ATRNL1: variants seen among roughly 807,000 people sequenced by gnomAD.
ATRNL1 encodes attractin-like protein 1.
In ATRNL1, 95 loss-of-function variants were observed where a neutral mutation model predicts 182.7. The observed-to-expected ratio is 0.52, with a 90% confidence interval of 0.44 to 0.62. The LOEUF is 0.62. Ranked by LOEUF, ATRNL1 falls within the 20% of genes least tolerant of loss-of-function variation. The pLI, the probability that ATRNL1 is intolerant of heterozygous loss-of-function variation, is 0.00. For synonymous variants in ATRNL1, 576 were observed against 568.3 expected, an observed-to-expected ratio of 1.01 and a Z score of -0.19; for missense variants, 1,471 against 1,679.5, an observed-to-expected ratio of 0.88 and a Z score of 2.17.
intron 25 of ATRNL1, among the ~76,000 whole-genome samples, chr10:115,547,523 G>A (rs987568693): frequency 7.2e-5 from 11 of 151,878 alleles, no homozygotes; most frequent in South Asian, 4.1e-4. Flanking sequence ...AATTGAGGTC[G>A]TAGTTGAAAT....
chr10:115,143,678 A>G (rs1554878612), intron 5 of ATRNL1, among the ~76,000 whole-genome samples: 3 of 152,106 alleles, frequency 2.0e-5, no homozygotes, highest in Admixed American at 1.3e-4. Flanking sequence ...CTATCCTTAT[A>G]TGACAGAGAG....
At chr10:115,134,162 A>AGCAGAAG (rs1351322816) in intron 5 of ATRNL1, among the ~76,000 whole-genome samples, 3 of 152,208 alleles carry the variant, frequency 2.0e-5, no homozygotes, top group Non-Finnish European at 2.9e-5. Context: ...TTCAAAAGCT[A>AGCAGAAG]GCAGAAGACA....
At chr10:115,127,033 T>C (rs1845004286) in intron 3 of ATRNL1, among the ~76,000 whole-genome samples, 2 of 152,180 alleles carry the variant, frequency 1.3e-5, no homozygotes, top group South Asian at 4.1e-4. Context: ...TGCATAGATA[T>C]GCAAAATTAG....
intron 27 of ATRNL1, among the ~76,000 whole-genome samples, chr10:115,737,220 G>A (rs1460962376): frequency 6.6e-6 from 1 of 151,364 alleles, no homozygotes; most frequent in Non-Finnish European, 1.5e-5. Context: ...AAGCTTAGGA[G>A]GTCAAAATCC....
Position 115,604,258 on chromosome 10 carries a change from T to C in ATRNL1, c.3795+54722T>C, listed in dbSNP as rs535250105. ...TTCTGCTAGACAGTTAAGTTACTTG[T>C]GATTAGGTTTAATTCTTTTGAGGCT... On this transcript the variant is annotated intron_variant, in intron 26 of 28. Transcript: ENST00000355044. Among the ~76,000 whole-genome samples, 103 of 152,330 alleles carry C rather than the reference T, an allele frequency of 6.8e-4. No homozygotes were observed. The South Asian group carries it at 0.021, about 31-fold the overall frequency.
At chr10:115,105,135 G>T (rs1264802) in intron 1 of ATRNL1, among the ~76,000 whole-genome samples, 47,341 of 151,910 alleles carry the variant, frequency 0.31, 7,656 homozygotes, top group African/African-American at 0.37. Flanking sequence ...CTGTAGATTG[G>T]TTTGGATAGT....
At chr10:115,742,325 G>GTA (rs2134099176) in intron 27 of ATRNL1, among the ~76,000 whole-genome samples, 1 of 152,222 alleles carries the variant, frequency 6.6e-6, no homozygotes, top group Non-Finnish European at 1.5e-5. Flanking sequence ...AAGAAGTCAA[G>GTA]TAGAAGTATT....
At chr10:115,205,478 A>G (rs1026377861) in intron 8 of ATRNL1, among the ~76,000 whole-genome samples, 2 of 151,802 alleles carry the variant, frequency 1.3e-5, no homozygotes, top group Non-Finnish European at 2.9e-5. Flanking sequence ...AATTGTTGAT[A>G]TACTTAAACT....
chr10:115,779,222 A>G (rs782080414), intron 27 of ATRNL1, among the ~76,000 whole-genome samples: 1 of 152,160 alleles, frequency 6.6e-6, no homozygotes, highest in Non-Finnish European at 1.5e-5. Flanking sequence ...AGGAAGATAA[A>G]AGCAGATTTG....
intron 20 of ATRNL1, among the ~76,000 whole-genome samples, chr10:115,407,657 C>T (rs1844900338): frequency 6.6e-6 from 1 of 152,158 alleles, no homozygotes; most frequent in Non-Finnish European, 1.5e-5. Context: ...GATTACATAT[C>T]TTTGCTATTG....
intron 24 of ATRNL1, among the ~76,000 whole-genome samples, chr10:115,515,422 A>C (rs2133689153): frequency 6.6e-6 from 1 of 150,612 alleles, no homozygotes; most frequent in South Asian, 2.1e-4. Flanking sequence ...CCCACTCAGA[A>C]CTCTGTCCCT....
At chr10:115,394,196 A>C (rs1019370763) in intron 19 of ATRNL1, among the ~76,000 whole-genome samples, 11 of 152,026 alleles carry the variant, frequency 7.2e-5, no homozygotes, top group Non-Finnish European at 1.6e-4. Flanking sequence ...TTTCACATCA[A>C]TCCTGGAAGC....
At chr10:115,115,892 C>T (rs1554869790) in intron 1 of ATRNL1, among the ~76,000 whole-genome samples, 1 of 152,074 alleles carries the variant, frequency 6.6e-6, no homozygotes, top group Non-Finnish European at 1.5e-5. Flanking sequence ...AATATTTGTG[C>T]TGGTTTTCCT....
chr10:115,435,260 C>G (rs1554964641), intron 21 of ATRNL1, among the ~76,000 whole-genome samples: 4 of 151,982 alleles, frequency 2.6e-5, no homozygotes, highest in Admixed American at 1.3e-4. Context: ...ACCTCATGAT[C>G]CGCCCTTCTC....
chr10:115,609,389 A>G (rs1333797341), intron 26 of ATRNL1, among the ~76,000 whole-genome samples: 2 of 152,124 alleles, frequency 1.3e-5, no homozygotes, highest in Non-Finnish European at 2.9e-5. Flanking sequence ...ACCCACAGGG[A>G]ACTTTACCCT....
intron 20 of ATRNL1, among the ~76,000 whole-genome samples, chr10:115,398,254 A>G (rs891682158): frequency 1.3e-5 from 2 of 152,022 alleles, no homozygotes; most frequent in East Asian, 3.9e-4. Context: ...CAGTCAAAAT[A>G]TTCATTTAGA....
chr10:115,684,191 T>C (rs1555045613), intron 26 of ATRNL1, among the ~76,000 whole-genome samples: 2 of 151,532 alleles, frequency 1.3e-5, no homozygotes, highest in African/African-American at 4.8e-5. Flanking sequence ...GGGCTTATAA[T>C]TTAAACTTTC....
intron 21 of ATRNL1, among the ~76,000 whole-genome samples, chr10:115,442,888 C>CAT (rs1422606337): frequency 4.0e-5 from 6 of 151,892 alleles, no homozygotes. Flanking sequence ...CTGAGGAGAA[C>CAT]ATATATATAT....
At chr10:115,393,765 G>T (rs1844151656) in intron 19 of ATRNL1, among the ~76,000 whole-genome samples, 1 of 152,118 alleles carries the variant, frequency 6.6e-6, no homozygotes, top group African/African-American at 2.4e-5. Flanking sequence ...ATACAAGAAA[G>T]ATTATACATG....
Sources: gnomAD v4.1 joint callset for allele counts (sites outside exome capture counted in the v4.1 genomes callset) on GRCh38, gnomAD v4.1.1 for gene constraint, MANE v1.5 for transcripts, NCBI Gene and HGNC (gene_info 2026-07-23, HGNC 2026-07-21) for gene names.